PKN2: variants seen among roughly 807,000 people sequenced by gnomAD.
PKN2 encodes the protein serine/threonine-protein kinase N2.
PKN2 carries 38 observed loss-of-function variants against 119.1 expected under a neutral mutation model. That is an observed-to-expected ratio of 0.32 (90% CI 0.25 to 0.42). The LOEUF is 0.42. Among genes scored for constraint, PKN2 ranks in the 10% least tolerant of loss-of-function variants. The pLI, the probability that PKN2 is intolerant of heterozygous loss-of-function variation, is 1.00. For synonymous variants in PKN2, 390 were observed against 384.9 expected, an observed-to-expected ratio of 1.01 and a Z score of -0.15; for missense variants, 850 against 1,165.1, an observed-to-expected ratio of 0.73 and a Z score of 3.94.
intron 6 of PKN2, among the ~76,000 whole-genome samples, chr1:88,775,981 C>T (rs1011385109): frequency 6.6e-6 from 1 of 151,688 alleles, no homozygotes; most frequent in African/African-American, 2.4e-5. Flanking sequence ...GGTGGCAGGC[C>T]CCTGTAGTCC....
Position 88,784,840 on chromosome 1 carries a change from T to C in PKN2, c.1171+16T>C. ...GACTTGTCCAGTTCAGTAACCAGAT[T>C]TTTAAAAATCATGTAACAAACTAAA... On this transcript the variant is annotated intron_variant, in intron 7 of 21. Transcript: ENST00000370521. 6.5e-7 allele frequency: 1 copy of C among 1,543,634 alleles called. No homozygotes were observed. The highest frequency in any genetic ancestry group is 2.4e-5 in the East Asian group (1 of 42,350).
Position 88,760,207 on chromosome 1 carries a change from A to G in PKN2, c.350-15A>G, listed in dbSNP as rs1484467465. 2.1e-6 allele frequency: 3 copies of G among 1,417,686 alleles called. No homozygotes were observed. Among genetic ancestry groups the G allele is most frequent in the Non-Finnish European group, 2.9e-6 (3 of 1,023,082 alleles). The allele number at this position is 1,417,686 out of a possible 1,614,324, so 87.8% of individuals were successfully genotyped here. A position where few individuals can be genotyped will look rare whatever the true frequency, so the allele number is the denominator to read the frequency against. On this transcript the variant is annotated splice_polypyrimidine_tract_variant and intron_variant, in intron 2 of 21. Coordinates refer to ENST00000370521, the MANE Select transcript of PKN2 (RefSeq NM_006256.4). ...TTCATTCTAATAAGTAATTTTAACA[A>G]TATTTTATTTACAGATTGCCCAAGG... is the stretch of plus-strand genomic sequence containing the variant.
chr1:88,716,657 C>T (rs1157150577), intron 1 of PKN2, among the ~76,000 whole-genome samples: 1 of 151,994 alleles, frequency 6.6e-6, no homozygotes, highest in Non-Finnish European at 1.5e-5. Flanking sequence ...GTAGATCTTC[C>T]TCCATCCCTT....
intron 1 of PKN2, among the ~76,000 whole-genome samples, chr1:88,718,928 T>G (rs1423482733): frequency 2.0e-5 from 3 of 152,184 alleles, no homozygotes; most frequent in African/African-American, 7.2e-5. Context: ...AAATAAACAT[T>G]ACCAGTTTTG....
intron 1 of PKN2, among the ~76,000 whole-genome samples, chr1:88,722,367 C>A (rs1347834763): frequency 6.6e-6 from 1 of 152,150 alleles, no homozygotes; most frequent in Non-Finnish European, 1.5e-5. Flanking sequence ...GTCTTTATTT[C>A]TGATTCTACC....
chr1:88,819,005 C>CT (rs1026241036), intron 16 of PKN2, among the ~76,000 whole-genome samples: 33 of 138,496 alleles, frequency 2.4e-4, no homozygotes, highest in Non-Finnish European at 3.9e-4. Flanking sequence ...GAACCCCTTC[C>CT]TTACACCTTA....
At chr1:88,804,634 A>G (rs764268373) in intron 9 of PKN2, 100 bp downstream of exon 9, 4 of 1,209,410 alleles carry the variant, frequency 3.3e-6, no homozygotes, top group Non-Finnish European at 4.8e-6. Context: ...TGAAAGACAG[A>G]TGACTTGAGT....
At chr1:88,685,742 T>A (rs1045726466) in intron 1 of PKN2, among the ~76,000 whole-genome samples, 1 of 152,222 alleles carries the variant, frequency 6.6e-6, no homozygotes, top group African/African-American at 2.4e-5. Flanking sequence ...CATTTCTTTT[T>A]GTGTGTTGGA....
chr1:88,692,229 A>G (rs1213320684), intron 1 of PKN2, among the ~76,000 whole-genome samples: 2 of 152,030 alleles, frequency 1.3e-5, no homozygotes, highest in Admixed American at 1.3e-4. Context: ...CATTAACTCT[A>G]CTTTGGTGGA....
rs147919849 is a variant in PKN2, at chr1:88,827,611, C to CCCCTTCCCTT, written c.2420-850_2420-841dup. Among the ~76,000 whole-genome samples, 46 of 128,850 alleles carry CCCCTTCCCTT rather than the reference C, an allele frequency of 3.6e-4. 1 individual carries two copies. Among genetic ancestry groups the CCCCTTCCCTT allele is most frequent in the African/African-American group, 1.2e-3 (39 of 32,532 alleles). 84.5% of individuals were successfully genotyped at this position (128,850 alleles called of 152,430 possible). A position where few individuals can be genotyped will look rare whatever the true frequency, so the allele number is the denominator to read the frequency against. ...GTTCAACCTGTACTCTCCCTTCCCT[C>CCCCTTCCCTT]CCCTTCCCTTCCCTTCCCTTCCCTT... On this transcript the variant is annotated intron_variant, in intron 18 of 21. Transcript: ENST00000370521.
chr1:88,785,386 A>G (rs182085827), intron 7 of PKN2, among the ~76,000 whole-genome samples: 48 of 152,236 alleles, frequency 3.2e-4, no homozygotes, highest in Non-Finnish European at 1.3e-4. Context: ...AGCCTCCCAA[A>G]GTGCTGGGAT....
chr1:88,807,199 T>C (rs1013003680), intron 12 of PKN2, 114 bp from the exon 13 acceptor site: 3 of 851,276 alleles, frequency 3.5e-6, no homozygotes, highest in Non-Finnish European at 5.3e-6. Context: ...GAATTTTACT[T>C]TTCACTCCAA....
At chr1:88,724,035 GAGA>G (rs1434215208) in intron 1 of PKN2, among the ~76,000 whole-genome samples, 6 of 152,166 alleles carry the variant, frequency 3.9e-5, no homozygotes, top group Non-Finnish European at 7.4e-5. Flanking sequence ...AGATTTGAGA[GAGA>G]AGGAGATACT....
At chr1:88,733,835 G>A (rs1359485212) in intron 1 of PKN2, among the ~76,000 whole-genome samples, 1 of 152,142 alleles carries the variant, frequency 6.6e-6, no homozygotes, top group African/African-American at 2.4e-5. Flanking sequence ...AATTCAAAAC[G>A]TTCCAATAAG....
At chr1:88,716,879 C>G (rs1350367827) in intron 1 of PKN2, among the ~76,000 whole-genome samples, 2 of 152,192 alleles carry the variant, frequency 1.3e-5, no homozygotes, top group Non-Finnish European at 2.9e-5. Context: ...GATGCAGTTT[C>G]TTCCTATCAT....
At chr1:88,793,957 A>G (rs1484591352) in intron 8 of PKN2, among the ~76,000 whole-genome samples, 1 of 152,248 alleles carries the variant, frequency 6.6e-6, no homozygotes, top group Non-Finnish European at 1.5e-5. Flanking sequence ...TGGACTGTAT[A>G]TGTAAACAAC....
At chr1:88,696,638 C>T (rs873734) in intron 1 of PKN2, among the ~76,000 whole-genome samples, 1 of 152,024 alleles carries the variant, frequency 6.6e-6, no homozygotes, top group Admixed American at 6.5e-5. Context: ...GAACATGTGT[C>T]CCTGATCCAG....
intron 15 of PKN2, among the ~76,000 whole-genome samples, chr1:88,812,577 CAAAA>C (rs903880107): frequency 6.6e-6 from 1 of 151,860 alleles, no homozygotes; most frequent in Non-Finnish European, 1.5e-5. Context: ...CTGTTCCTAT[CAAAA>C]AAATAAAAGC....
At chr1:88,785,068 C>T (rs538807672) in intron 7 of PKN2, among the ~76,000 whole-genome samples, 1 of 152,286 alleles carries the variant, frequency 6.6e-6, no homozygotes. Context: ...TTGAGCATCA[C>T]TCTTATGCCA....
Sources: gnomAD v4.1 joint callset for allele counts (sites outside exome capture counted in the v4.1 genomes callset) on GRCh38, gnomAD v4.1.1 for gene constraint, MANE v1.5 for transcripts, NCBI Gene and HGNC (gene_info 2026-07-23, HGNC 2026-07-21) for gene names.